The following SULT2B1 variants were observed in gnomAD, a reference collection of about 807,000 sequenced individuals.
SULT2B1 encodes the protein sulfotransferase family 2B member 1, also known as sulfotransferase 2B1.
SULT2B1 carries 16 observed loss-of-function variants against 33.2 expected under a neutral mutation model. The ratio of observed to expected loss-of-function variants is 0.48; its 90% CI spans 0.33 to 0.73. The LOEUF is 0.73. Among genes scored for constraint, SULT2B1 ranks in the 30% least tolerant of loss-of-function variants. SULT2B1 has a pLI of 0.02. For synonymous variants in SULT2B1, 186 were observed against 200.5 expected (o/e 0.93, Z 0.61); for missense variants, 500 against 506.0 (o/e 0.99, Z 0.11).
intron 1 of SULT2B1, among the ~76,000 whole-genome samples, chr19:48,566,374 G>A (rs1399767230): frequency 6.6e-6 from 1 of 151,992 alleles, no homozygotes; most frequent in Admixed American, 6.6e-5. Flanking sequence ...ACGAGCCACC[G>A]CACCCAGGCT....
chr19:48,561,535 G>GA (rs1412443620), intron 1 of SULT2B1, among the ~76,000 whole-genome samples: 2 of 138,642 alleles, frequency 1.4e-5, no homozygotes, highest in African/African-American at 4.9e-5. Context: ...GTGTTTGAGA[G>GA]AAAGGAGGAG....
At chr19:48,567,426 G>A (rs1973260283) in intron 1 of SULT2B1, among the ~76,000 whole-genome samples, 1 of 152,124 alleles carries the variant, frequency 6.6e-6, no homozygotes, top group South Asian at 2.1e-4. Context: ...GCCAGGCGTG[G>A]TGGTGCACGC....
chr19:48,570,517 A>G (rs1323347743), intron 1 of SULT2B1, among the ~76,000 whole-genome samples: 1 of 151,934 alleles, frequency 6.6e-6, no homozygotes, highest in Admixed American at 6.6e-5. Context: ...CATGGCACAG[A>G]ATACTGCTGT....
At chr19:48,566,365 C>G (rs995028935) in intron 1 of SULT2B1, among the ~76,000 whole-genome samples, 1 of 151,744 alleles carries the variant, frequency 6.6e-6, no homozygotes, top group Non-Finnish European at 1.5e-5. Context: ...ATCACAGGCA[C>G]GAGCCACCGC....
At chr19:48,590,133 G>T (rs559671980) in intron 3 of SULT2B1, among the ~76,000 whole-genome samples, 1 of 151,846 alleles carries the variant, frequency 6.6e-6, no homozygotes, top group African/African-American at 2.4e-5. Flanking sequence ...GATTACAGGC[G>T]CCCACCACCA....
intron 3 of SULT2B1, among the ~76,000 whole-genome samples, chr19:48,589,298 G>A (rs548273651): frequency 6.6e-6 from 1 of 151,938 alleles, no homozygotes; most frequent in Non-Finnish European, 1.5e-5. Flanking sequence ...GTCAGGGTGG[G>A]GCAACTGGGA....
At chr19:48,573,803 G>T (rs1414801474) in intron 1 of SULT2B1, among the ~76,000 whole-genome samples, 2 of 152,044 alleles carry the variant, frequency 1.3e-5, no homozygotes, top group African/African-American at 4.8e-5. Context: ...CCTCTCTGTA[G>T]CAATGGAAGC....
At chr19:48,581,469 A>C (rs1170394486) in intron 2 of SULT2B1, among the ~76,000 whole-genome samples, 2 of 61,270 alleles carry the variant, frequency 3.3e-5, no homozygotes, top group Admixed American at 1.7e-4. Flanking sequence ...TTGAGATTTG[A>C]GAGTTTTTTT....
intron 5 of SULT2B1, chr19:48,595,654 GGTTTTTTTTTGTTGTT>G (rs141700968): frequency 0.77 from 107,760 of 139,908 alleles, 41,967 homozygotes; most frequent in Middle Eastern, 0.85. Flanking sequence ...CTGTTTTTTG[GGTTTTTTTTTGTTGTT>G]TTTTTTTTTT....
intron 5 of SULT2B1, 35 bp from the exon 6 acceptor site, chr19:48,596,703 GC>G: frequency 6.5e-7 from 1 of 1,548,248 alleles, no homozygotes. Context: ...TTGGCCGAGT[GC>G]CCTCCCTCCG....
chr19:48,576,359 C>CTTTTTTTTT (rs1188887401), intron 2 of SULT2B1, among the ~76,000 whole-genome samples: 6 of 96,716 alleles, frequency 6.2e-5, no homozygotes, highest in African/African-American at 1.7e-4. Context: ...CTCTACTTCT[C>CTTTTTTTTT]TTTTTTTTTT....
At chr19:48,597,941 G>T (rs1973742903) in intron 6 of SULT2B1, among the ~76,000 whole-genome samples, 2 of 152,048 alleles carry the variant, frequency 1.3e-5, no homozygotes, top group Non-Finnish European at 2.9e-5. Flanking sequence ...GCCAAGTGAA[G>T]CATCTTCTAA....
chr19:48,569,361 A>AAAAT (rs1568405757), intron 1 of SULT2B1, among the ~76,000 whole-genome samples: 8 of 9,964 alleles, frequency 8.0e-4, no homozygotes, highest in African/African-American at 1.5e-3. Context: ...AAAAAAAAAA[A>AAAAT]ACATATATAT....
In SULT2B1 at chr19:48,553,598, C is replaced by G. The variant is rs11880900; in HGVS notation, c.71+1275C>G. Reference sequence around the variant, plus strand: ...AAAGTGCTGGGATTACAGGCGTGGGCCACCACGCCTGGCCGCCTCATTTCA... The same window carrying G: ...AAAGTGCTGGGATTACAGGCGTGGGGCACCACGCCTGGCCGCCTCATTTCA... On this transcript the variant is annotated intron_variant, in intron 1 of 6. Coordinates refer to ENST00000201586, the MANE Select transcript of SULT2B1 (RefSeq NM_177973.2). Among the ~76,000 whole-genome samples the G allele has an allele frequency of 9.5e-3, 1,439 of 152,120 alleles. 22 individuals are homozygous for G. The highest frequency in any genetic ancestry group is 0.033 in the African/African-American group (1,350 of 41,508).
chr19:48,556,267 C>T (rs1443095103), intron 1 of SULT2B1, among the ~76,000 whole-genome samples: 2 of 152,146 alleles, frequency 1.3e-5, no homozygotes, highest in East Asian at 3.9e-4. Flanking sequence ...GCTGGTCTAG[C>T]TTCAAATCTG....
At chr19:48,580,072 C>T (rs1973466196) in intron 2 of SULT2B1, among the ~76,000 whole-genome samples, 1 of 148,668 alleles carries the variant, frequency 6.7e-6, no homozygotes, top group South Asian at 2.2e-4. Context: ...GACAAGTGCA[C>T]ACCACCACGC....
Position 48,599,053 on chromosome 19 carries a change from G to A in SULT2B1, c.827-82G>A. 6.6e-7 allele frequency: 1 copy of A among 1,511,648 alleles called. No individual in the cohort carries two copies. Among genetic ancestry groups the A allele is most frequent in the Non-Finnish European group, 8.8e-7 (1 of 1,135,328 alleles). The allele number at this position is 1,511,648 out of a possible 1,614,324, so 93.6% of individuals were successfully genotyped here. A position where few individuals can be genotyped will look rare whatever the true frequency, so the allele number is the denominator to read the frequency against. On this transcript the variant is annotated intron_variant, in intron 6 of 6. Coordinates refer to ENST00000201586, the MANE Select transcript of SULT2B1 (RefSeq NM_177973.2). This position sits in a 1 kb window ranked among gnomAD's most constrained non-coding sequence, Gnocchi z 4.1. ...ACACCTCGCCAAAGGCCGGGAAGGG[G>A]AAGGAGGTTGCTGGAATGTTGGAGG...
At chr19:48,592,299 A>G (rs1343319957) in intron 4 of SULT2B1, among the ~76,000 whole-genome samples, 3 of 151,148 alleles carry the variant, frequency 2.0e-5, no homozygotes, top group African/African-American at 7.3e-5. Flanking sequence ...CTCAAAAAAA[A>G]TAAAAAATAA....
At chr19:48,562,740 C>T (rs892455593) in intron 1 of SULT2B1, among the ~76,000 whole-genome samples, 28 of 152,002 alleles carry the variant, frequency 1.8e-4, no homozygotes, top group South Asian at 2.1e-4. Flanking sequence ...AGTGCAGTGG[C>T]GCGATCTCAG....
Sources: gnomAD v4.1 joint callset for allele counts (sites outside exome capture counted in the v4.1 genomes callset) on GRCh38, gnomAD v4.1.1 for gene constraint, Gnocchi (gnomAD v3.1) non-coding constraint, MANE v1.5 for transcripts, NCBI Gene and HGNC (gene_info 2026-07-23, HGNC 2026-07-21) for gene names.